The following PARD3 variants were observed in gnomAD, a reference collection of about 807,000 sequenced individuals.
The protein encoded by PARD3 is partitioning defective 3 homolog.
A neutral mutation model predicts 155.4 loss-of-function variants in PARD3; 75 were observed. The ratio of observed to expected loss-of-function variants is 0.48; its 90% CI spans 0.40 to 0.58. The LOEUF (loss-of-function observed/expected upper bound fraction) is 0.58, where lower values mean the gene tolerates loss of function less well. Among genes scored for constraint, PARD3 ranks in the 20% least tolerant of loss-of-function variants. PARD3 has a pLI of 0.00. For synonymous variants in PARD3, 576 were observed against 610.5 expected, an observed-to-expected ratio of 0.94 and a Z score of 0.83; for missense variants, 1,642 against 1,721.7, an observed-to-expected ratio of 0.95 and a Z score of 0.82.
intron 18 of PARD3, among the ~76,000 whole-genome samples, chr10:34,335,630 T>C (rs1836094335): frequency 6.6e-6 from 1 of 152,064 alleles, no homozygotes; most frequent in African/African-American, 2.4e-5. Flanking sequence ...CTCACAAAGT[T>C]AAGATATGAA....
At chr10:34,443,198 T>C (rs1438598726) in intron 5 of PARD3, among the ~76,000 whole-genome samples, 2 of 152,170 alleles carry the variant, frequency 1.3e-5, no homozygotes, top group African/African-American at 4.8e-5. Flanking sequence ...GAAAAACACA[T>C]TTTTAAAAAA....
chr10:34,515,101 C>A (rs891914860), intron 3 of PARD3, among the ~76,000 whole-genome samples: 3 of 152,132 alleles, frequency 2.0e-5, no homozygotes, highest in African/African-American at 7.2e-5. Context: ...ACATTGTATA[C>A]ACAGGATCAT....
chr10:34,318,137 T>A (rs949577768), intron 19 of PARD3, among the ~76,000 whole-genome samples: 1 of 152,166 alleles, frequency 6.6e-6, no homozygotes, highest in Non-Finnish European at 1.5e-5. Flanking sequence ...CGTAAGCACA[T>A]GGTCCAAGGG....
At chr10:34,292,038 A>AC (rs1956699275) in intron 20 of PARD3, among the ~76,000 whole-genome samples, 1 of 152,144 alleles carries the variant, frequency 6.6e-6, no homozygotes, top group African/African-American at 2.4e-5. Flanking sequence ...CTGCCCACAT[A>AC]CCCATTCACA....
intron 19 of PARD3, among the ~76,000 whole-genome samples, chr10:34,319,939 A>G (rs1444586776): frequency 6.6e-6 from 1 of 152,216 alleles, no homozygotes; most frequent in East Asian, 1.9e-4. Flanking sequence ...AATGGAAGCT[A>G]GTGAATTTTG....
chr10:34,261,043 G>A (rs1446819528), intron 22 of PARD3, among the ~76,000 whole-genome samples: 2 of 152,184 alleles, frequency 1.3e-5, no homozygotes, highest in Non-Finnish European at 2.9e-5. Flanking sequence ...CCATTAAGGT[G>A]TCCTCAGCAA....
intron 1 of PARD3, among the ~76,000 whole-genome samples, chr10:34,794,409 G>C (rs1420396652): frequency 6.6e-6 from 1 of 152,090 alleles, no homozygotes; most frequent in African/African-American, 2.4e-5. Flanking sequence ...GTATTACCAG[G>C]CACACAAAAG....
intron 20 of PARD3, among the ~76,000 whole-genome samples, chr10:34,288,082 A>T (rs749731545): frequency 1.7e-4 from 26 of 152,124 alleles, no homozygotes; most frequent in Middle Eastern, 6.8e-3. Flanking sequence ...GTGGTGGTAC[A>T]CACCTGTAGT....
chr10:34,492,952 T>C (rs770918806), intron 3 of PARD3, among the ~76,000 whole-genome samples: 5 of 152,244 alleles, frequency 3.3e-5, no homozygotes, highest in East Asian at 3.8e-4. Context: ...AGGGAATGAA[T>C]AGCAAAATGG....
chr10:34,478,293 T>C (rs1388835019), intron 3 of PARD3, among the ~76,000 whole-genome samples: 4 of 152,240 alleles, frequency 2.6e-5, no homozygotes, highest in Non-Finnish European at 4.4e-5. Flanking sequence ...TCAATCACTA[T>C]ACTCCAAGAA....
At chr10:34,473,015 G>C (rs188162749) in intron 3 of PARD3, among the ~76,000 whole-genome samples, 1 of 152,252 alleles carries the variant, frequency 6.6e-6, no homozygotes, top group East Asian at 1.9e-4. Flanking sequence ...ATATGGACTG[G>C]GGGAAAGGGG....
intron 24 of PARD3, among the ~76,000 whole-genome samples, chr10:34,116,849 C>T (rs558016400): frequency 1.5e-4 from 23 of 152,308 alleles, no homozygotes; most frequent in Non-Finnish European, 2.4e-4. Context: ...CTAGCGGTAG[C>T]GGCTGCAACC....
At chr10:34,753,581 C>T (rs1457742204) in intron 1 of PARD3, among the ~76,000 whole-genome samples, 1 of 152,170 alleles carries the variant, frequency 6.6e-6, no homozygotes, top group East Asian at 1.9e-4. Flanking sequence ...GTGAAACCAC[C>T]CAGTGGGATA....
chr10:34,411,963 T>TGTGTGTG, intron 5 of PARD3, among the ~76,000 whole-genome samples: 1 of 140,690 alleles, frequency 7.1e-6, no homozygotes. Flanking sequence ...TGTGTGTGTG[T>TGTGTGTG]ATTTCCTCCT....
chr10:34,537,902 G>C (rs148400265), intron 2 of PARD3, among the ~76,000 whole-genome samples: 3 of 152,156 alleles, frequency 2.0e-5, no homozygotes, highest in African/African-American at 7.2e-5. Context: ...CTTCTTCTTT[G>C]GAAAGAGAAG....
chr10:34,270,140 C>CT (rs3039311), intron 21 of PARD3, among the ~76,000 whole-genome samples: 243 of 121,784 alleles, frequency 2.0e-3, no homozygotes, highest in East Asian at 3.0e-3. Context: ...TAATTTAAAT[C>CT]TTTTTTTTTT....
At chr10:34,606,158 G>GTA (rs1564407777) in intron 2 of PARD3, among the ~76,000 whole-genome samples, 2 of 1,314 alleles carry the variant, frequency 1.5e-3, no homozygotes, top group Admixed American at 0.012. Context: ...AAAGGGAAAT[G>GTA]TGTGTGTGTG....
At chr10:34,338,094 C>T in intron 16 of PARD3, among the ~76,000 whole-genome samples, 1 of 152,270 alleles carries the variant, frequency 6.6e-6, no homozygotes, top group East Asian at 1.9e-4. Context: ...AATACTAAAC[C>T]AGAAGTCTGA....
intron 20 of PARD3, among the ~76,000 whole-genome samples, chr10:34,297,760 C>G (rs1391633548): frequency 6.6e-6 from 1 of 152,222 alleles, no homozygotes; most frequent in Non-Finnish European, 1.5e-5. Context: ...CCGAGGCCAC[C>G]TGGCTTCAGA....
Sources: allele counts gnomAD v4.1 joint callset (sites outside exome capture counted in the v4.1 genomes callset), GRCh38; gene constraint gnomAD v4.1.1; transcripts MANE v1.5; gene names NCBI Gene and HGNC (gene_info 2026-07-23, HGNC 2026-07-21).